The following MLF1 variants were observed in gnomAD, a reference collection of about 807,000 sequenced individuals.
The protein encoded by MLF1 is myeloid leukemia factor 1, also known as myelodysplasia-myeloid leukemia factor 1.
In MLF1, 37 loss-of-function variants were observed where a neutral mutation model predicts 38.3. That is an observed-to-expected ratio of 0.96 (90% CI 0.74 to 1.27). The LOEUF (loss-of-function observed/expected upper bound fraction) is 1.27, where lower values mean the gene tolerates loss of function less well. Ranked by LOEUF, MLF1 falls within the 50% of genes most tolerant of loss-of-function variation. The pLI, the probability that MLF1 is intolerant of heterozygous loss-of-function variation, is 0.00. For missense variants in MLF1, 331 were observed against 349.2 expected, an observed-to-expected ratio of 0.95 and a Z score of 0.42; for synonymous variants, 95 against 106.5, an observed-to-expected ratio of 0.89 and a Z score of 0.66.
At chr3:158,573,412 G>GGC (rs1714881320) in intron 1 of MLF1, 2 of 133,704 alleles carry the variant, frequency 1.5e-5, no homozygotes, top group African/African-American at 2.8e-5. Flanking sequence ...GGGGGGGGGG[G>GGC]GGTGTGTATT....
rs1043529237 is a variant in MLF1 at position 158,605,906 on chromosome 3, C to T, written c.*704C>T. The stretch of plus-strand genomic sequence containing the variant: ...ATATTATATTGACCATTCTCTTTAA[C>T]TTCTTAATGTGGCATATTTCTACTC... On this transcript the variant is annotated 3_prime_UTR_variant, in exon 8 of 8. Transcript: ENST00000466246. 4.4e-5 allele frequency: 8 copies of T among 181,486 alleles called. No homozygotes were observed. The highest frequency in any genetic ancestry group is 4.4e-4 in the Admixed American group (7 of 15,964). The allele number at this position is 181,486 out of a possible 1,614,324, so 11.2% of individuals were successfully genotyped here.
chr3:158,572,281 G>C (rs889130003), intron 1 of MLF1, among the ~76,000 whole-genome samples: 20 of 141,252 alleles, frequency 1.4e-4, no homozygotes, highest in Non-Finnish European at 1.1e-4. Flanking sequence ...TGAGGTGGGG[G>C]GACGGTTTGG....
At chr3:158,604,721 C>T (rs963315085) in intron 7 of MLF1, among the ~76,000 whole-genome samples, 4 of 152,010 alleles carry the variant, frequency 2.6e-5, no homozygotes, top group East Asian at 1.9e-4. Context: ...TGCAGTGGCG[C>T]GATCTCAACT....
At chr3:158,586,174 AAAAAG>A (rs1166053482) in intron 1 of MLF1, among the ~76,000 whole-genome samples, 13 of 151,974 alleles carry the variant, frequency 8.6e-5, no homozygotes, top group African/African-American at 3.1e-4. Flanking sequence ...CAAAAAAAAA[AAAAAG>A]AAAAGAAAAA....
rs76685931 is a variant in MLF1 at position 158,599,876 on chromosome 3, C to G, written c.454-138C>G. ...TCAGAGACTTATTACCACAGTTTTA[C>G]CACAAGTTAATAGTGGAACTGAGCA... On this transcript the variant is annotated intron_variant, in intron 5 of 7. Coordinates refer to ENST00000466246, the MANE Select transcript of MLF1 (RefSeq NM_001369783.1). 2,694 of 326,162 alleles carry G rather than the reference C, an allele frequency of 8.3e-3. 78 individuals carry two copies. The highest frequency in any genetic ancestry group is 0.053 in the African/African-American group (2,458 of 46,242). 20.2% of individuals were successfully genotyped at this position (326,162 alleles called of 1,614,324 possible).
chr3:158,582,927 A>G (rs1405858623), intron 1 of MLF1: 1 of 680,422 alleles, frequency 1.5e-6, no homozygotes, highest in Admixed American at 2.3e-5. Context: ...AGAATAAGTT[A>G]AGGTAAAATA....
At chr3:158,588,426 AC>A (rs1459345604) in intron 1 of MLF1, among the ~76,000 whole-genome samples, 1 of 151,960 alleles carries the variant, frequency 6.6e-6, no homozygotes, top group Admixed American at 6.6e-5. Flanking sequence ...ACACGGTGAA[AC>A]CCCGTCTCTA....
chr3:158,578,502 ACAAAC>A (rs1229608946), intron 1 of MLF1, among the ~76,000 whole-genome samples: 9 of 149,120 alleles, frequency 6.0e-5, no homozygotes, highest in African/African-American at 2.3e-4. Flanking sequence ...ATACATACAT[ACAAAC>A]ACACACACAC....
intron 7 of MLF1, 130 bp from the exon 8 acceptor site, chr3:158,604,967 T>G: frequency 1.4e-6 from 1 of 716,674 alleles, no homozygotes; most frequent in East Asian, 2.8e-5. Context: ...GCCTTGTTTT[T>G]CAAAGCCATT....
At chr3:158,583,439 G>C (rs892129615) in intron 1 of MLF1, among the ~76,000 whole-genome samples, 5 of 152,006 alleles carry the variant, frequency 3.3e-5, no homozygotes, top group Non-Finnish European at 7.4e-5. Context: ...GAAATAAAGG[G>C]AAAGAAAGAA....
chr3:158,585,638 C>T (rs192472402), intron 1 of MLF1, among the ~76,000 whole-genome samples: 20 of 152,078 alleles, frequency 1.3e-4, no homozygotes, highest in African/African-American at 4.6e-4. Flanking sequence ...ATGAGTTAAG[C>T]AGAATGTTCA....
chr3:158,605,988 G>A lies in MLF1; in HGVS notation c.*786G>A, dbSNP rs1006522612. 1.1e-5 allele frequency: 2 copies of A among 183,710 alleles called. No homozygotes were observed. Among genetic ancestry groups the A allele is most frequent in the African/African-American group, 4.7e-5 (2 of 42,622 alleles). 11.4% of individuals were successfully genotyped at this position (183,710 alleles called of 1,614,324 possible). A position where few individuals can be genotyped will look rare whatever the true frequency, so the allele number is the denominator to read the frequency against. ...AAGGTTAACATTCTGAAGCTGGAGA[G>A]TCCTTGGAGAAACTCTGCTCAGCTT... is the stretch of plus-strand genomic sequence containing the variant. On this transcript the variant is annotated 3_prime_UTR_variant, in exon 8 of 8. Coordinates refer to ENST00000466246, the MANE Select transcript of MLF1 (RefSeq NM_001369783.1).
chr3:158,602,566 A>T (rs1387477952), intron 6 of MLF1, among the ~76,000 whole-genome samples: 1 of 152,232 alleles, frequency 6.6e-6, no homozygotes, highest in Admixed American at 6.5e-5. Context: ...ATAATATGTT[A>T]TCCAGGCAGT....
At chr3:158,578,363 G>A (rs923205716) in intron 1 of MLF1, among the ~76,000 whole-genome samples, 3 of 148,858 alleles carry the variant, frequency 2.0e-5, no homozygotes, top group Non-Finnish European at 3.0e-5. Context: ...AAAAAGAAGT[G>A]TAACTTAGGC....
At chr3:158,589,406 T>C (rs1011666958) in intron 1 of MLF1, among the ~76,000 whole-genome samples, 11 of 152,014 alleles carry the variant, frequency 7.2e-5, no homozygotes, top group Non-Finnish European at 1.3e-4. Context: ...GAAACGGGGT[T>C]TCACCATGTT....
intron 1 of MLF1, among the ~76,000 whole-genome samples, chr3:158,577,845 G>A (rs1254092206): frequency 2.6e-5 from 4 of 152,118 alleles, no homozygotes. Context: ...CATGAAAAAG[G>A]AGTGAACTAT....
At chr3:158,589,361 A>T (rs1717788274) in intron 1 of MLF1, among the ~76,000 whole-genome samples, 1 of 151,918 alleles carries the variant, frequency 6.6e-6, no homozygotes, top group Admixed American at 6.6e-5. Context: ...ACAGGCACCT[A>T]CCACCACACC....
chr3:158,590,815 C>T (rs1718006956), intron 1 of MLF1: 1 of 452,844 alleles, frequency 2.2e-6, no homozygotes, highest in African/African-American at 2.0e-5. Context: ...GTTATGACTG[C>T]ACTTTTTAAA....
At chr3:158,597,873 A>G (rs74800281) in intron 4 of MLF1, among the ~76,000 whole-genome samples, 4,970 of 152,260 alleles carry the variant, frequency 0.033, 105 homozygotes, top group Non-Finnish European at 0.047. Context: ...GACGACCGTT[A>G]GGACCCTCTA....
Sources: gnomAD v4.1 joint callset for allele counts (sites outside exome capture counted in the v4.1 genomes callset) on GRCh38, gnomAD v4.1.1 for gene constraint, MANE v1.5 for transcripts, NCBI Gene and HGNC (gene_info 2026-07-23, HGNC 2026-07-21) for gene names.